TERF2IP: variants seen among roughly 807,000 people sequenced by gnomAD.
TERF2IP encodes the protein telomeric repeat-binding factor 2-interacting protein 1.
A neutral mutation model predicts 33.3 loss-of-function variants in TERF2IP; 35 were observed. The observed-to-expected ratio is 1.05, with a 90% CI of 0.80 to 1.39. The LOEUF (loss-of-function observed/expected upper bound fraction) is 1.39. Among genes scored for constraint, TERF2IP ranks in the 40% most tolerant of loss-of-function variants. The pLI, the probability that TERF2IP is intolerant of heterozygous loss-of-function variation, is 0.00. For missense variants in TERF2IP, 583 were observed against 524.8 expected (o/e 1.11, Z -1.08); for synonymous variants, 253 against 223.2 (o/e 1.13, Z -1.19).
At chr16:75,651,408 A>G (rs1275966748) in intron 1 of TERF2IP, among the ~76,000 whole-genome samples, 4 of 152,178 alleles carry the variant, frequency 2.6e-5, no homozygotes, top group African/African-American at 4.8e-5. Context: ...AGTAAATCAG[A>G]CCGAGTGCGG....
In TERF2IP at chr16:75,647,873, G is replaced by C. The variant is rs372206607; in HGVS notation, c.-10G>C. ...GGGGGTAGCTCTTCTAGTAGTGCTC[G>C]GCGTCAGACATGGCGGAGGCGATGG... On this transcript the variant is annotated 5_prime_UTR_variant, in exon 1 of 3. Coordinates refer to ENST00000300086, the MANE Select transcript of TERF2IP (RefSeq NM_018975.4). 1.2e-6 allele frequency: 2 copies of C among 1,601,830 alleles called. No homozygotes were observed. Among genetic ancestry groups the C allele is most frequent in the African/African-American group, 1.3e-5 (1 of 74,592 alleles).
chr16:75,655,182 A>G (rs1333504508), intron 2 of TERF2IP, among the ~76,000 whole-genome samples: 1 of 152,204 alleles, frequency 6.6e-6, no homozygotes, highest in African/African-American at 2.4e-5. Context: ...ATGCCCAGCT[A>G]CTTATAGTAA....
chr16:75,651,125 AAG>A (rs1050024512), intron 1 of TERF2IP, among the ~76,000 whole-genome samples: 1 of 152,188 alleles, frequency 6.6e-6, no homozygotes, highest in Non-Finnish European at 1.5e-5. Flanking sequence ...CAAAAAGACA[AAG>A]AAAAAGTTTT....
intron 1 of TERF2IP, among the ~76,000 whole-genome samples, chr16:75,652,482 G>A (rs545129529): frequency 6.6e-6 from 1 of 152,086 alleles, no homozygotes; most frequent in Non-Finnish European, 1.5e-5. Flanking sequence ...ACCTTCACCT[G>A]ATTTTAGTTC....
intron 2 of TERF2IP, among the ~76,000 whole-genome samples, chr16:75,655,027 A>T: frequency 6.6e-6 from 1 of 150,836 alleles, no homozygotes; most frequent in East Asian, 2.0e-4. Context: ...CGCTTTTTGT[A>T]TTTTTTTGAG....
intron 2 of TERF2IP, 82 bp downstream of exon 2, chr16:75,654,479 T>G: frequency 6.9e-7 from 1 of 1,441,144 alleles, no homozygotes; most frequent in South Asian, 1.3e-5. Context: ...ACCTTTTTCA[T>G]CTACCTGGGG....
rs527772778 is a variant in TERF2IP, at chr16:75,648,499, C to T, written c.617C>T (p.Ser206Phe). The change falls in exon 1 of 3, where the codon TCC (serine) becomes TTC (phenylalanine). Residue 206 changes from serine (S) to phenylalanine (F), a missense_variant. Coordinates refer to ENST00000300086, the MANE Select transcript of TERF2IP (RefSeq NM_018975.4). The part of the protein sequence containing the change: ...LLGDAPVSPS[S>F]QKLKRKAEED... The stretch of plus-strand genomic sequence containing the variant: ...GGGGACGCGCCGGTGAGCCCCTCCT[C>T]CCAGAAGCTCAAGCGGAAGGCGGAG... The T allele has an allele frequency of 6.3e-7, 1 of 1,585,242 alleles. No individual in the cohort carries two copies. The highest frequency in any genetic ancestry group is 8.6e-7 in the Non-Finnish European group (1 of 1,165,210).
chr16:75,655,554 C>T (rs895541542), intron 2 of TERF2IP, among the ~76,000 whole-genome samples: 5 of 152,168 alleles, frequency 3.3e-5, no homozygotes, highest in African/African-American at 1.2e-4. Context: ...GGGATTGTTG[C>T]CTTTTGTAGT....
chr16:75,649,972 GTA>G (rs1391320422), intron 1 of TERF2IP, among the ~76,000 whole-genome samples: 2 of 152,144 alleles, frequency 1.3e-5, no homozygotes, highest in Non-Finnish European at 1.5e-5. Flanking sequence ...TTCTTTGCCT[GTA>G]TGACTACTCC....
In TERF2IP at chr16:75,656,741, C is replaced by A; in HGVS notation, c.*130C>A. The stretch of plus-strand genomic sequence containing the variant: ...TTTTCTGACCATCGCTGCTGTTGCT[C>A]TGTGAGTCCTAGATTTTTGTAGCCA... On this transcript the variant is annotated 3_prime_UTR_variant, in exon 3 of 3. Transcript: ENST00000300086. 1 of 851,014 alleles carries A rather than the reference C, an allele frequency of 1.2e-6. No homozygotes were observed. The highest frequency in any genetic ancestry group is 1.8e-6 in the Non-Finnish European group (1 of 556,134). 52.7% of individuals were successfully genotyped at this position (851,014 alleles called of 1,614,324 possible).
chr16:75,648,919 C>T (rs1473959465), intron 1 of TERF2IP, among the ~76,000 whole-genome samples: 54 of 151,800 alleles, frequency 3.6e-4, no homozygotes, highest in Non-Finnish European at 3.5e-4. Context: ...TGTGATGCAG[C>T]CGCGCGATCA....
At chr16:75,650,359 G>C (rs1386199411) in intron 1 of TERF2IP, among the ~76,000 whole-genome samples, 1 of 152,170 alleles carries the variant, frequency 6.6e-6, no homozygotes, top group African/African-American at 2.4e-5. Context: ...AGAGGAAGAA[G>C]CCAGGGCAAT....
At chr16:75,650,883 A>G (rs947738265) in intron 1 of TERF2IP, among the ~76,000 whole-genome samples, 1 of 152,176 alleles carries the variant, frequency 6.6e-6, no homozygotes, top group East Asian at 1.9e-4. Flanking sequence ...TTGGCAAGCC[A>G]TTTGGAACTT....
rs1300946802 is a variant in TERF2IP at position 75,656,523 on chromosome 16, A to G, written c.1112A>G (p.Gln371Arg). The change falls in exon 3 of 3, where the codon CAA becomes CGA. Residue 371 changes from glutamine to arginine, a missense_variant. Gln to Arg is a conservative substitution (Grantham distance 43, BLOSUM62 1). Transcript: ENST00000300086. ...TCCCGACAAGATGACATAGATTTGC[A>G]AAAAGATGATGAGGATACCAGAGAG... is the stretch of plus-strand genomic sequence containing the variant. Reference protein sequence around the residue: ...IWSRQDDIDLQKDDEDTREAL... With the variant: ...IWSRQDDIDLRKDDEDTREAL... 2 of 1,614,104 alleles carry G rather than the reference A, an allele frequency of 1.2e-6. No individual in the cohort carries two copies. The highest frequency in any genetic ancestry group is 2.7e-5 in the African/African-American group (2 of 74,930).
intron 1 of TERF2IP, 77 bp from the exon 2 acceptor site, chr16:75,654,196 G>A: frequency 8.3e-7 from 1 of 1,202,406 alleles, no homozygotes; most frequent in Non-Finnish European, 1.1e-6. Context: ...TCCTGGCCCA[G>A]AGCTCACACA....
At position 75,656,550 on chromosome 16, in the gene TERF2IP, C is replaced by G. The variant is rs774167864; in HGVS notation, c.1139C>G (p.Ala380Gly). Residue 380 changes from alanine (A) to glycine (G), a missense_variant, in exon 3 of 3, where the codon GCA (alanine) becomes GGA (glycine). Coordinates refer to ENST00000300086, the MANE Select transcript of TERF2IP (RefSeq NM_018975.4). ...LQKDDEDTRE[A>G]LVKKFGAQNV... is the part of the protein sequence containing the mutation. The stretch of plus-strand genomic sequence containing the variant: ...AAAGATGATGAGGATACCAGAGAGG[C>G]ATTGGTCAAAAAATTTGGTGCTCAG... 1 of 1,613,112 alleles carries G rather than the reference C, an allele frequency of 6.2e-7. No individual in the cohort carries two copies. The highest frequency in any genetic ancestry group is 1.7e-5 in the Admixed American group (1 of 59,866).
Sources: gnomAD v4.1 joint callset for allele counts (sites outside exome capture counted in the v4.1 genomes callset) on GRCh38, gnomAD v4.1.1 for gene constraint, MANE v1.5 for transcripts, NCBI Gene and HGNC (gene_info 2026-07-23, HGNC 2026-07-21) for gene names.